The following COX10 variants were observed in gnomAD, a reference collection of about 807,000 sequenced individuals.
COX10 encodes the protein cytochrome c oxidase assembly factor heme A:farnesyltransferase COX10.
COX10 carries 27 observed loss-of-function variants against 37.3 expected under a neutral mutation model. The observed-to-expected ratio is 0.72, with a 90% CI of 0.53 to 1.00. The LOEUF is 1.00. COX10 is among the 50% of genes least tolerant of loss of function. COX10 has a pLI of 0.00. For missense variants in COX10, 475 were observed against 563.2 expected (o/e 0.84, Z 1.59); for synonymous variants, 222 against 229.1 (o/e 0.97, Z 0.28).
intron 6 of COX10, among the ~76,000 whole-genome samples, chr17:14,193,242 G>A (rs981931990): frequency 5.2e-4 from 79 of 152,184 alleles, no homozygotes; most frequent in African/African-American, 1.9e-3. Context: ...CGACCCCACC[G>A]CTCATGAGCT....
intron 1 of COX10, among the ~76,000 whole-genome samples, chr17:14,073,350 G>C (rs1283849039): frequency 1.3e-5 from 2 of 152,270 alleles, no homozygotes; most frequent in Admixed American, 1.3e-4. Context: ...GGAGAGTTCA[G>C]GATGTTCCTG....
intron 4 of COX10, among the ~76,000 whole-genome samples, chr17:14,131,775 G>A (rs1567598283): frequency 6.6e-6 from 1 of 151,972 alleles, no homozygotes; most frequent in South Asian, 2.1e-4. Context: ...ATGAGACTGA[G>A]ACAGTCACTG....
At chr17:14,182,129 A>G (rs1905882356) in intron 5 of COX10, 8 of 983,998 alleles carry the variant, frequency 8.1e-6, no homozygotes, top group Non-Finnish European at 9.6e-6. Flanking sequence ...AATTATTAAT[A>G]TAATACCACA....
chr17:14,193,037 A>G (rs1395569296), intron 6 of COX10, among the ~76,000 whole-genome samples: 3 of 152,210 alleles, frequency 2.0e-5, no homozygotes, highest in Non-Finnish European at 4.4e-5. Context: ...CACCTTTACC[A>G]TGATTGTCTC....
At chr17:14,101,940 T>C (rs1915791306) in intron 3 of COX10, among the ~76,000 whole-genome samples, 178 bp from the exon 4 acceptor site, 1 of 152,226 alleles carries the variant, frequency 6.6e-6, no homozygotes, top group Admixed American at 6.5e-5. Flanking sequence ...AATTAGTACA[T>C]GTAGTTTTTA....
At chr17:14,143,208 T>C (rs575928832) in intron 4 of COX10, among the ~76,000 whole-genome samples, 26 of 152,310 alleles carry the variant, frequency 1.7e-4, no homozygotes, top group African/African-American at 6.0e-4. Context: ...CCCAGTGTAT[T>C]TCGGGTACTG....
intron 4 of COX10, among the ~76,000 whole-genome samples, chr17:14,142,562 T>C (rs879577473): frequency 2.2e-4 from 34 of 152,306 alleles, no homozygotes; most frequent in Middle Eastern, 3.4e-3. Flanking sequence ...TTTATGCCAT[T>C]TTTAACTAAT....
At position 14,090,854 on chromosome 17, in the gene COX10, G is replaced by A. The variant is rs7219749; in HGVS notation, c.500-11264G>A. Among the ~76,000 whole-genome samples, 1,210 of 152,202 alleles carry A rather than the reference G, an allele frequency of 7.9e-3. 15 individuals carry two copies. Among genetic ancestry groups the A allele is most frequent in the African/African-American group, 0.028 (1,161 of 41,516 alleles). ...TTTCTGAATCTTTATCAGAGTGAAA[G>A]CCCCAAGAGGGCCGGGAACACATCT... On this transcript the variant is annotated intron_variant, in intron 3 of 6. Coordinates refer to ENST00000261643, the MANE Select transcript of COX10 (RefSeq NM_001303.4).
At chr17:14,168,716 G>A (rs1281762479) in intron 5 of COX10, among the ~76,000 whole-genome samples, 2 of 152,180 alleles carry the variant, frequency 1.3e-5, no homozygotes, top group East Asian at 3.9e-4. Context: ...TTTAGCCCCA[G>A]CTGGAGCTGG....
At chr17:14,140,196 A>G (rs1904495621) in intron 4 of COX10, among the ~76,000 whole-genome samples, 1 of 152,160 alleles carries the variant, frequency 6.6e-6, no homozygotes, top group African/African-American at 2.4e-5. Context: ...ATCTATACTT[A>G]TTATTTGTTT....
intron 5 of COX10, among the ~76,000 whole-genome samples, chr17:14,189,651 T>C (rs3888175): frequency 2.6e-5 from 4 of 152,244 alleles, no homozygotes; most frequent in Admixed American, 2.6e-4. Context: ...AGTATGAGTT[T>C]ATTTTGGTGC....
intron 4 of COX10, among the ~76,000 whole-genome samples, chr17:14,123,338 A>T (rs1916267235): frequency 6.6e-6 from 1 of 152,196 alleles, no homozygotes; most frequent in South Asian, 2.1e-4. Context: ...AATCTATCAT[A>T]GTGAATCTGA....
At chr17:14,137,962 T>G (rs1904429040) in intron 4 of COX10, among the ~76,000 whole-genome samples, 3 of 151,378 alleles carry the variant, frequency 2.0e-5, no homozygotes, top group African/African-American at 7.3e-5. Flanking sequence ...TTTTTTTTTT[T>G]TTTTTTTTTA....
At chr17:14,087,591 C>G (rs1915437709) in intron 3 of COX10, among the ~76,000 whole-genome samples, 1 of 151,972 alleles carries the variant, frequency 6.6e-6, no homozygotes, top group African/African-American at 2.4e-5. Context: ...TAAGAGGAAC[C>G]AAGGCTATCA....
chr17:14,135,367 T>G (rs1210686355), intron 4 of COX10, among the ~76,000 whole-genome samples: 1 of 151,898 alleles, frequency 6.6e-6, no homozygotes, highest in Admixed American at 6.6e-5. Context: ...TATTATTAGT[T>G]TAGCAAGCAT....
At chr17:14,157,880 T>C (rs964465675) in intron 4 of COX10, among the ~76,000 whole-genome samples, 2 of 152,228 alleles carry the variant, frequency 1.3e-5, no homozygotes, top group African/African-American at 4.8e-5. Context: ...TTCATAAAGG[T>C]TAGCCATCAA....
chr17:14,136,469 T>C (rs1462425261), intron 4 of COX10, among the ~76,000 whole-genome samples: 1 of 152,058 alleles, frequency 6.6e-6, no homozygotes, highest in Non-Finnish European at 1.5e-5. Context: ...TTCCATTCAT[T>C]TCCAGTTTGC....
intron 4 of COX10, among the ~76,000 whole-genome samples, chr17:14,159,360 C>T (rs9303100): frequency 0.41 from 63,002 of 152,064 alleles, 13,363 homozygotes; most frequent in African/African-American, 0.51. Flanking sequence ...TTATTTACAA[C>T]GCTAATGCTT....
chr17:14,160,564 A>C (rs560191153), intron 5 of COX10, among the ~76,000 whole-genome samples: 3 of 152,216 alleles, frequency 2.0e-5, no homozygotes, highest in Non-Finnish European at 2.9e-5. Flanking sequence ...TATACTGACT[A>C]TGTAAATCAC....
Sources: allele counts gnomAD v4.1 joint callset (sites outside exome capture counted in the v4.1 genomes callset), GRCh38; gene constraint gnomAD v4.1.1; transcripts MANE v1.5; gene names NCBI Gene and HGNC (gene_info 2026-07-23, HGNC 2026-07-21).